GDI2: variants seen among roughly 807,000 people sequenced by gnomAD.
The protein encoded by GDI2 is rab GDP dissociation inhibitor beta.
A neutral mutation model predicts 54.2 loss-of-function variants in GDI2; 22 were observed. The ratio of observed to expected loss-of-function variants is 0.41; its 90% CI spans 0.29 to 0.58. The LOEUF (loss-of-function observed/expected upper bound fraction) is 0.58, where lower values mean the gene tolerates loss of function less well. Among genes scored for constraint, GDI2 ranks in the 20% least tolerant of loss-of-function variants. The pLI is 0.35. For missense variants in GDI2, 422 were observed against 546.0 expected, an observed-to-expected ratio of 0.77 and a Z score of 2.26; for synonymous variants, 177 against 182.1, an observed-to-expected ratio of 0.97 and a Z score of 0.23.
rs999680881 is a variant in GDI2 at position 5,799,291 on chromosome 10, C to T, written c.153+1307G>A. Among the ~76,000 whole-genome samples, 16 of 152,320 alleles carry T rather than the reference C, an allele frequency of 1.1e-4. No homozygotes were observed. In the South Asian group the frequency reaches 2.7e-3, roughly 26 times the overall value. ...GTTCAAGGCTACAGCAAGCTACGAT[C>T]GCACTGCTGCACTTCAGCCTGGGCA... is the stretch of plus-strand genomic sequence containing the variant. On this transcript the variant is annotated intron_variant, in intron 2 of 10. Coordinates refer to ENST00000380191, the MANE Select transcript of GDI2 (RefSeq NM_001494.4).
chr10:5,767,334 T>A (rs1389321322), intron 8 of GDI2, among the ~76,000 whole-genome samples: 2 of 152,098 alleles, frequency 1.3e-5, no homozygotes, highest in African/African-American at 4.8e-5. Flanking sequence ...TTTTGTGTTT[T>A]AACAGTCTGG....
Position 5,776,728 on chromosome 10 carries a change from C to T in GDI2, c.720-2787G>A. 1 of 1,490,348 alleles carries T rather than the reference C, an allele frequency of 6.7e-7. No individual in the cohort carries two copies. Among genetic ancestry groups the T allele is most frequent in the Non-Finnish European group, 9.3e-7 (1 of 1,072,934 alleles). 92.3% of individuals were successfully genotyped at this position (1,490,348 alleles called of 1,614,324 possible). On this transcript the variant is annotated intron_variant, in intron 6 of 10. Coordinates refer to ENST00000380191, the MANE Select transcript of GDI2 (RefSeq NM_001494.4). This position sits in a 1 kb window ranked among gnomAD's most constrained non-coding sequence, Gnocchi z 5.3. The stretch of plus-strand genomic sequence containing the variant: ...CAGAAACTGCTACAGCCTCTTTAAC[C>T]TGGCAGAAGTTTGCAGCAAATACCA...
intron 7 of GDI2, among the ~76,000 whole-genome samples, chr10:5,770,379 G>A (rs1840459257): frequency 6.6e-6 from 1 of 151,942 alleles, no homozygotes; most frequent in African/African-American, 2.4e-5. Context: ...TGGCCAACAT[G>A]GGGAAACCCT....
chr10:5,781,143 A>C (rs905113841), intron 6 of GDI2, among the ~76,000 whole-genome samples: 1 of 151,774 alleles, frequency 6.6e-6, no homozygotes, highest in Non-Finnish European at 1.5e-5. Context: ...TTTCCAACAA[A>C]TGCAGCTAAA....
chr10:5,806,774 T>A (rs571233146), intron 1 of GDI2, among the ~76,000 whole-genome samples: 55 of 152,356 alleles, frequency 3.6e-4, no homozygotes, highest in African/African-American at 1.3e-3. Flanking sequence ...AAATATTTAC[T>A]ATCTTAAAAA....
chr10:5,810,813 T>C (rs1323053715), intron 1 of GDI2, among the ~76,000 whole-genome samples: 1 of 152,200 alleles, frequency 6.6e-6, no homozygotes, highest in African/African-American at 2.4e-5. Flanking sequence ...ATTTTACTCC[T>C]TTATACCAAA....
chr10:5,807,239 A>G (rs1275907547), intron 1 of GDI2, among the ~76,000 whole-genome samples: 1 of 152,254 alleles, frequency 6.6e-6, no homozygotes, highest in Non-Finnish European at 1.5e-5. Flanking sequence ...CACAGTATAT[A>G]TTAATGATCC....
intron 1 of GDI2, among the ~76,000 whole-genome samples, chr10:5,807,732 CAG>C (rs1288309417): frequency 1.3e-5 from 2 of 150,336 alleles, no homozygotes; most frequent in Non-Finnish European, 3.0e-5. Context: ...GGCTGGGGGA[CAG>C]AACCATCAGC....
In GDI2 at chr10:5,766,037, C is replaced by T. The variant is rs745961164; in HGVS notation, c.1307G>A (p.Arg436His). ...TTCCCCATAGATGTCATTCTTCTTG[C>T]GCTTCATTTCCTCAAAGTCAAACTC... ...GSEFDFEEMK[R>H]KKNDIYGED is the part of the protein sequence containing the mutation. Residue 436 changes from arginine (R) to histidine (H), a missense_variant, in exon 11 of 11, where the codon CGC becomes CAC. Transcript: ENST00000380191. This position sits in a 1 kb window ranked among gnomAD's most constrained non-coding sequence, Gnocchi z 5.8. The T allele has an allele frequency of 2.0e-5, 32 of 1,588,272 alleles. No homozygotes were observed. Among genetic ancestry groups the T allele is most frequent in the Non-Finnish European group, 2.3e-5 (27 of 1,172,874 alleles).
In GDI2 at chr10:5,785,760, G is replaced by A. The variant is rs185959159; in HGVS notation, c.587+92C>T. ...TTCATTCATAGTGCAATATGGCTAA[G>A]TATTTGTTTTGTTAGAATTTCCACT... On this transcript the variant is annotated intron_variant, in intron 5 of 10. Coordinates refer to ENST00000380191, the MANE Select transcript of GDI2 (RefSeq NM_001494.4). The A allele has an allele frequency of 4.8e-4, 373 of 776,508 alleles. 3 individuals carry two copies. The African/African-American group carries it at 5.4e-3, about 11-fold the overall frequency. The allele number at this position is 776,508 out of a possible 1,614,324, so 48.1% of individuals were successfully genotyped here. A position where few individuals can be genotyped will look rare whatever the true frequency, so the allele number is the denominator to read the frequency against.
intron 1 of GDI2, 86 bp from the exon 2 acceptor site, chr10:5,800,791 T>A (rs1165178025): frequency 2.6e-6 from 2 of 766,586 alleles, no homozygotes; most frequent in Non-Finnish European, 4.8e-6. Flanking sequence ...CATTACACAT[T>A]CTCTTAGTAA....
chr10:5,784,451 A>G (rs889488095), intron 6 of GDI2, among the ~76,000 whole-genome samples: 3 of 152,142 alleles, frequency 2.0e-5, no homozygotes, highest in African/African-American at 7.2e-5. Context: ...CTTGGTTTAG[A>G]TCCATTGCTG....
intron 4 of GDI2, among the ~76,000 whole-genome samples, chr10:5,790,224 C>T (rs192394632): frequency 6.6e-6 from 1 of 152,220 alleles, no homozygotes; most frequent in Non-Finnish European, 1.5e-5. Flanking sequence ...CATACACATA[C>T]AACCTAAACT....
intron 6 of GDI2, among the ~76,000 whole-genome samples, chr10:5,782,777 T>A (rs996181186): frequency 1.4e-4 from 21 of 151,938 alleles, no homozygotes; most frequent in Non-Finnish European, 1.0e-4. Flanking sequence ...CTACTAAATA[T>A]AAAAAATTAG....
At chr10:5,786,909 C>T (rs1056284771) in intron 4 of GDI2, among the ~76,000 whole-genome samples, 1 of 152,178 alleles carries the variant, frequency 6.6e-6, no homozygotes, top group South Asian at 2.1e-4. Context: ...GCAACCAATT[C>T]GCTGCATTTT....
In GDI2 at chr10:5,768,463, C is replaced by G; in HGVS notation, c.820-79G>C. On this transcript the variant is annotated intron_variant, in intron 7 of 10. Coordinates refer to ENST00000380191, the MANE Select transcript of GDI2 (RefSeq NM_001494.4). The surrounding 1 kb of genome is among the most constrained non-coding windows in gnomAD (Gnocchi z 4.4). ...CATCCCATGTTCATAGTTTGGAAGA[C>G]TTAGTATTGTTAAGATATCAAAAAC... 1 of 918,230 alleles carries G rather than the reference C, an allele frequency of 1.1e-6. No individual in the cohort carries two copies. Among genetic ancestry groups the G allele is most frequent in the Non-Finnish European group, 1.7e-6 (1 of 585,768 alleles). The allele number at this position is 918,230 out of a possible 1,614,324, so 56.9% of individuals were successfully genotyped here.
intron 4 of GDI2, among the ~76,000 whole-genome samples, chr10:5,789,816 G>C (rs937616871): frequency 1.3e-5 from 2 of 152,202 alleles, no homozygotes; most frequent in Admixed American, 6.5e-5. Flanking sequence ...GTAGTATTAA[G>C]TCTTAACTGC....
chr10:5,772,095 T>C (rs976797298), intron 7 of GDI2, among the ~76,000 whole-genome samples: 4 of 151,664 alleles, frequency 2.6e-5, no homozygotes, highest in Admixed American at 2.6e-4. Context: ...AAACACACCA[T>C]TTATCTCTAT....
At position 5,783,957 on chromosome 10, in the gene GDI2, A is replaced by T. The variant is rs147256590; in HGVS notation, c.719+1185T>A. The stretch of plus-strand genomic sequence containing the variant: ...GTGATGAATTTCCCAGGTGTTCTTT[A>T]AGCTTCTTGTATTTGGATGTCTAGA... On this transcript the variant is annotated intron_variant, in intron 6 of 10. Transcript: ENST00000380191. Among the ~76,000 whole-genome samples, 12 of 152,222 alleles carry T rather than the reference A, an allele frequency of 7.9e-5. No homozygotes were observed. The East Asian group carries it at 2.3e-3, about 29-fold the overall frequency.
Sources: allele counts gnomAD v4.1 joint callset (sites outside exome capture counted in the v4.1 genomes callset), GRCh38; gene constraint gnomAD v4.1.1; non-coding constraint Gnocchi (gnomAD v3.1); transcripts MANE v1.5; gene names NCBI Gene and HGNC (gene_info 2026-07-23, HGNC 2026-07-21).